The following KCNJ16 variants were observed in gnomAD, a reference collection of about 807,000 sequenced individuals.
The protein encoded by KCNJ16 is potassium inwardly rectifying channel subfamily J member 16.
A neutral mutation model predicts 18.5 loss-of-function variants in KCNJ16; 15 were observed. That is an observed-to-expected ratio of 0.81 (90% CI 0.54 to 1.25). KCNJ16 has a LOEUF of 1.25. Ranked by LOEUF, KCNJ16 falls within the 50% of genes most tolerant of loss-of-function variation. KCNJ16 has a pLI of 0.00. For missense variants in KCNJ16, 523 were observed against 525.7 expected (o/e 0.99, Z 0.05); for synonymous variants, 174 against 186.5 (o/e 0.93, Z 0.55).
chr17:70,089,590 A>G (rs190705423), intron 1 of KCNJ16, among the ~76,000 whole-genome samples: 1 of 152,196 alleles, frequency 6.6e-6, no homozygotes, highest in Non-Finnish European at 1.5e-5. Flanking sequence ...GAAGCATAAA[A>G]CTACAGGGTT....
chr17:70,081,099 C>T (rs1274163953), intron 1 of KCNJ16, among the ~76,000 whole-genome samples: 1 of 152,090 alleles, frequency 6.6e-6, no homozygotes, highest in Non-Finnish European at 1.5e-5. Context: ...GACTTGCAAC[C>T]AAAATTTGGG....
At chr17:70,106,574 A>G (rs1207110205) in intron 2 of KCNJ16, among the ~76,000 whole-genome samples, 1 of 152,216 alleles carries the variant, frequency 6.6e-6, no homozygotes, top group African/African-American at 2.4e-5. Flanking sequence ...AGAAAACACA[A>G]GCCAATTGCA....
At chr17:70,104,598 G>A (rs1406302156) in intron 2 of KCNJ16, among the ~76,000 whole-genome samples, 2 of 152,200 alleles carry the variant, frequency 1.3e-5, no homozygotes, top group Non-Finnish European at 2.9e-5. Context: ...AGACCTAGAG[G>A]TGTCAGTAAG....
intron 2 of KCNJ16, among the ~76,000 whole-genome samples, chr17:70,106,506 C>G (rs2072933956): frequency 6.6e-6 from 1 of 152,126 alleles, no homozygotes; most frequent in Non-Finnish European, 1.5e-5. Flanking sequence ...AATAGCTAAG[C>G]TCTCAGTAAT....
At chr17:70,087,517 C>A (rs1317081942) in intron 1 of KCNJ16, among the ~76,000 whole-genome samples, 1 of 152,068 alleles carries the variant, frequency 6.6e-6, no homozygotes, top group East Asian at 1.9e-4. Flanking sequence ...GCCTGGCCAA[C>A]ATGGTGAAAC....
At chr17:70,119,733 T>A (rs1212056380) in intron 2 of KCNJ16, among the ~76,000 whole-genome samples, 1 of 152,160 alleles carries the variant, frequency 6.6e-6, no homozygotes, top group Non-Finnish European at 1.5e-5. Flanking sequence ...AAACCACTAT[T>A]TTCTCCTAGA....
At chr17:70,088,815 T>C (rs891446841) in intron 1 of KCNJ16, among the ~76,000 whole-genome samples, 2 of 152,132 alleles carry the variant, frequency 1.3e-5, no homozygotes, top group Non-Finnish European at 2.9e-5. Context: ...ATTCTGACCA[T>C]TATACCACAA....
intron 1 of KCNJ16, among the ~76,000 whole-genome samples, chr17:70,090,503 C>T (rs897433698): frequency 4.6e-5 from 7 of 152,122 alleles, no homozygotes; most frequent in African/African-American, 1.7e-4. Context: ...GAATGTGTTG[C>T]CAATTCATTG....
In KCNJ16 at chr17:70,106,728, A is replaced by G. The variant is rs985525757; in HGVS notation, c.-191+5962A>G. Among the ~76,000 whole-genome samples, 26 of 152,180 alleles carry G rather than the reference A, an allele frequency of 1.7e-4. No homozygotes were observed. In the East Asian group the frequency reaches 4.1e-3, roughly 24 times the overall value. The stretch of plus-strand genomic sequence containing the variant: ...TTCAGACATCCACATTCCACCCTGG[A>G]CCTTGCCTGTCTGGTAAGCCCAATC... On this transcript the variant is annotated intron_variant, in intron 2 of 3. Transcript: ENST00000392671.
At chr17:70,094,716 C>T (rs754025474) in intron 1 of KCNJ16, among the ~76,000 whole-genome samples, 3 of 152,016 alleles carry the variant, frequency 2.0e-5, no homozygotes, top group African/African-American at 4.8e-5. Context: ...CACTGTCCCC[C>T]GCAGGTTTGA....
chr17:70,129,396 T>A (rs1166605952), intron 2 of KCNJ16, among the ~76,000 whole-genome samples: 1 of 152,158 alleles, frequency 6.6e-6, no homozygotes, highest in Non-Finnish European at 1.5e-5. Flanking sequence ...AAATACTAAA[T>A]AAGAGACTAA....
intron 2 of KCNJ16, among the ~76,000 whole-genome samples, chr17:70,126,371 A>G (rs1474620039): frequency 6.6e-6 from 1 of 152,128 alleles, no homozygotes; most frequent in African/African-American, 2.4e-5. Flanking sequence ...TCTGAGCTTC[A>G]TTTTACCCAG....
At chr17:70,102,817 T>TG (rs1417125687) in intron 2 of KCNJ16, among the ~76,000 whole-genome samples, 1 of 152,178 alleles carries the variant, frequency 6.6e-6, no homozygotes, top group African/African-American at 2.4e-5. Flanking sequence ...AAAACTCTGT[T>TG]GTGACATCTT....
rs962691161 is a variant in KCNJ16, at chr17:70,106,736, T to C, written c.-191+5970T>C. 1.5e-4 allele frequency among the ~76,000 whole-genome samples: 23 copies of C among 152,264 alleles called. No individual in the cohort carries two copies. In the East Asian group the frequency reaches 4.2e-3, roughly 28 times the overall value. Reference sequence around the variant, plus strand: ...TCCACATTCCACCCTGGACCTTGCCTGTCTGGTAAGCCCAATCTCTGCAGG... The same window carrying C: ...TCCACATTCCACCCTGGACCTTGCCCGTCTGGTAAGCCCAATCTCTGCAGG... On this transcript the variant is annotated intron_variant, in intron 2 of 3. Transcript: ENST00000392671.
intron 1 of KCNJ16, among the ~76,000 whole-genome samples, chr17:70,087,707 A>AAAATAAAT (rs1033062890): frequency 1.3e-5 from 2 of 152,026 alleles, no homozygotes; most frequent in East Asian, 3.8e-4. Flanking sequence ...ACTCTGTCTC[A>AAAATAAAT]AAATAAATAA....
chr17:70,131,161 C>G (rs1567808231), intron 3 of KCNJ16, among the ~76,000 whole-genome samples, 186 bp downstream of exon 3: 1 of 137,448 alleles, frequency 7.3e-6, no homozygotes, highest in Non-Finnish European at 1.5e-5. Context: ...TTTTGGGACT[C>G]TATTCAGAGG....
chr17:70,123,835 T>G (rs1233067483), intron 2 of KCNJ16, among the ~76,000 whole-genome samples: 2 of 152,180 alleles, frequency 1.3e-5, no homozygotes, highest in Non-Finnish European at 1.5e-5. Flanking sequence ...GGAGAGATAC[T>G]TACATTTCAG....
Position 70,132,365 on chromosome 17 carries a change from G to A in KCNJ16, c.278G>A (p.Trp93Ter). 6.2e-7 allele frequency: 1 copy of A among 1,614,052 alleles called. No homozygotes were observed. Residue 93 changes from tryptophan to a stop codon, truncating the protein, a stop_gained, in exon 4 of 4, where the codon TGG (tryptophan) becomes TAG (stop). Coordinates refer to ENST00000392671, the MANE Select transcript of KCNJ16 (RefSeq NM_170741.4). LOFTEE classifies it high-confidence loss of function. ...LSWLIFGSVFWLIAFHHGDLL... is the reference protein window; with the variant it reads ...LSWLIFGSVF ...TGGTTGATATTTGGCTCTGTCTTTT[G>A]GCTCATAGCCTTTCATCATGGCGAT...
At chr17:70,091,324 A>T (rs1177246487) in intron 1 of KCNJ16, among the ~76,000 whole-genome samples, 1 of 152,170 alleles carries the variant, frequency 6.6e-6, no homozygotes, top group Non-Finnish European at 1.5e-5. Context: ...CCTGTTTGTT[A>T]TATCTTGCCT....
Sources: gnomAD v4.1 joint callset for allele counts (sites outside exome capture counted in the v4.1 genomes callset) on GRCh38, gnomAD v4.1.1 for gene constraint, MANE v1.5 for transcripts, NCBI Gene and HGNC (gene_info 2026-07-23, HGNC 2026-07-21) for gene names.